The following ZNF33A variants were observed in gnomAD, a reference collection of about 807,000 sequenced individuals.
ZNF33A encodes zinc finger protein 33A.
Under a neutral mutation model 15.9 loss-of-function variants are expected in ZNF33A, and 9 were observed. The observed-to-expected ratio is 0.57, with a 90% confidence interval of 0.34 to 0.99. ZNF33A has a LOEUF of 0.99. ZNF33A is among the 50% of genes least tolerant of loss of function. The pLI is 0.02. For synonymous variants in ZNF33A, 294 were observed against 324.2 expected, an observed-to-expected ratio of 0.91 and a Z score of 1.00; for missense variants, 843 against 941.6, an observed-to-expected ratio of 0.90 and a Z score of 1.37.
At chr10:38,033,585 T>A (rs1260330987) in intron 4 of ZNF33A, among the ~76,000 whole-genome samples, 1 of 152,198 alleles carries the variant, frequency 6.6e-6, no homozygotes, top group Non-Finnish European at 1.5e-5. Flanking sequence ...ATGCATGAAT[T>A]TTCCAGTTTC....
rs747954049 is a variant in ZNF33A at position 38,010,737 on chromosome 10, G to A, written c.-91G>A. 1.9e-5 allele frequency: 30 copies of A among 1,598,320 alleles called. No individual in the cohort carries two copies. Among genetic ancestry groups the A allele is most frequent in the Non-Finnish European group, 2.3e-5 (27 of 1,179,810 alleles). On this transcript the variant is annotated 5_prime_UTR_variant, in exon 1 of 5. Coordinates refer to ENST00000432900, the MANE Select transcript of ZNF33A (RefSeq NM_006954.2). ...TGGGAGGCGGTCCCGGGATTTCAAG[G>A]GTCTACGCGCTTTTCTATGGCGAAT... is the stretch of plus-strand genomic sequence containing the variant.
chr10:38,015,407 G>A (rs2064404425), intron 2 of ZNF33A, among the ~76,000 whole-genome samples: 2 of 152,064 alleles, frequency 1.3e-5, no homozygotes, highest in Admixed American at 1.3e-4. Context: ...CCAGGTTAAA[G>A]GGATTCTCCT....
chr10:38,028,559 C>G (rs571452136), intron 4 of ZNF33A, among the ~76,000 whole-genome samples: 64 of 152,068 alleles, frequency 4.2e-4, no homozygotes, highest in African/African-American at 1.4e-3. Context: ...CCTCCTTCTC[C>G]TGGGTTCAAG....
At chr10:38,023,913 C>A (rs2064863252) in intron 4 of ZNF33A, among the ~76,000 whole-genome samples, 1 of 152,112 alleles carries the variant, frequency 6.6e-6, no homozygotes, top group South Asian at 2.1e-4. Flanking sequence ...AATCCCAGCG[C>A]TTTGGGAGGC....
In ZNF33A at chr10:38,010,683, C is replaced by T. The variant is rs2064123682; in HGVS notation, c.-145C>T. 1.3e-6 allele frequency: 2 copies of T among 1,595,264 alleles called. No homozygotes were observed. The highest frequency in any genetic ancestry group is 8.5e-7 in the Non-Finnish European group (1 of 1,176,900). On this transcript the variant is annotated 5_prime_UTR_variant, in exon 1 of 5. Transcript: ENST00000432900. ...CCGCCGGCTACGTCTGCGTTTCCGC[C>T]TTTCCTTTTGTTTTTCTCAGGTTTT...
Position 38,054,832 on chromosome 10 carries a change from ACAGAAGAGAGAGAACG to A in ZNF33A, c.718_733del (p.Glu240IlefsTer42), listed in dbSNP as rs763822388. Reference sequence around the variant, plus strand: ...TCCTTGAAAAGGCAGTATTCAATACACAGAAGAGAGAGAACGCAGAAGAGAATAACTGTGATTATAA... The same window carrying A: ...TCCTTGAAAAGGCAGTATTCAATACACAGAAGAGAATAACTGTGATTATAA... On this transcript the variant is annotated frameshift_variant, in exon 5 of 5. Transcript: ENST00000432900. LOFTEE classifies it low-confidence loss of function (END_TRUNC). 91 of 1,613,592 alleles carry A rather than the reference ACAGAAGAGAGAGAACG, an allele frequency of 5.6e-5. No individual in the cohort carries two copies. The highest frequency in any genetic ancestry group is 3.3e-4 in the Middle Eastern group (2 of 6,062).
At chr10:38,047,658 A>T (rs2066011459) in intron 4 of ZNF33A, among the ~76,000 whole-genome samples, 1 of 131,602 alleles carries the variant, frequency 7.6e-6, no homozygotes, top group Non-Finnish European at 1.6e-5. Context: ...AAAAAAAAAA[A>T]AAAAAAGCAA....
intron 1 of ZNF33A, among the ~76,000 whole-genome samples, chr10:38,011,044 C>A (rs567485067): frequency 3.3e-5 from 5 of 152,068 alleles, no homozygotes; most frequent in Admixed American, 2.0e-4. Flanking sequence ...TTGCGCAGTC[C>A]GCGCGCTGAG....
intron 4 of ZNF33A, among the ~76,000 whole-genome samples, chr10:38,033,420 A>G (rs2065299089): frequency 1.3e-5 from 2 of 152,148 alleles, no homozygotes; most frequent in Non-Finnish European, 2.9e-5. Flanking sequence ...GTAATTGTTC[A>G]CGTATAAGTT....
chr10:38,031,771 G>A (rs1433452385), intron 4 of ZNF33A, among the ~76,000 whole-genome samples: 1 of 150,522 alleles, frequency 6.6e-6, no homozygotes, highest in Admixed American at 6.6e-5. Flanking sequence ...GAGACCATCC[G>A]GGCCAACATG....
intron 4 of ZNF33A, chr10:38,039,763 T>G: frequency 3.2e-6 from 1 of 316,992 alleles, no homozygotes; most frequent in South Asian, 2.5e-5. Context: ...AATTTGAACC[T>G]TCTCTCTCTT....
downstream of ZNF33A, among the ~76,000 whole-genome samples, chr10:38,060,490 T>C (rs551256443): frequency 1.5e-3 from 226 of 152,364 alleles, 1 homozygote; most frequent in Middle Eastern, 3.4e-3. Flanking sequence ...TTTTCCACTC[T>C]GCTCCCTAGT....
chr10:38,054,716 A>G lies in ZNF33A; in HGVS notation c.592A>G (p.Asn198Asp). Residue 198 changes from asparagine to aspartate, a missense_variant, in exon 5 of 5, where the codon AAC becomes GAC. Coordinates refer to ENST00000432900, the MANE Select transcript of ZNF33A (RefSeq NM_006954.2). ...QEKNEVLKNR[N>D]TLSHHEETLQ... ...GAAAAATGAAGTTTTGAAAAATAGG[A>G]ACACACTGAGTCATCATGAGGAGAC... The G allele has an allele frequency of 6.2e-7, 1 of 1,613,878 alleles. No homozygotes were observed. The highest frequency in any genetic ancestry group is 8.5e-7 in the Non-Finnish European group (1 of 1,179,964).
At chr10:38,061,639 C>T (rs1186333965), downstream of ZNF33A, among the ~76,000 whole-genome samples, 2 of 152,038 alleles carry the variant, frequency 1.3e-5, no homozygotes, top group Non-Finnish European at 2.9e-5. Context: ...GTGCCCCCTC[C>T]AAAAGTCATG....
intron 4 of ZNF33A, among the ~76,000 whole-genome samples, chr10:38,037,387 G>A (rs1460921591): frequency 1.3e-5 from 2 of 151,180 alleles, no homozygotes; most frequent in Non-Finnish European, 2.9e-5. Flanking sequence ...GCAGTGGCAC[G>A]ATCTTGGCTC....
chr10:38,064,128 T>A, downstream of ZNF33A: 1 of 1,595,116 alleles, frequency 6.3e-7, no homozygotes, highest in South Asian at 1.1e-5. Context: ...ACCCCTGCAG[T>A]GCTGGAAGAA....
intron 4 of ZNF33A, among the ~76,000 whole-genome samples, chr10:38,036,291 G>A (rs1285996324): frequency 6.6e-6 from 1 of 152,020 alleles, no homozygotes; most frequent in Non-Finnish European, 1.5e-5. Context: ...TACTAAATAA[G>A]CTGGGCGTGG....
chr10:38,019,096 T>C (rs1009637389), intron 4 of ZNF33A, among the ~76,000 whole-genome samples: 7 of 152,076 alleles, frequency 4.6e-5, no homozygotes, highest in African/African-American at 1.7e-4. Context: ...TAACTCGTCA[T>C]TTAGCATTAG....
At chr10:38,022,293 G>A (rs1475247671) in intron 4 of ZNF33A, among the ~76,000 whole-genome samples, 1 of 152,094 alleles carries the variant, frequency 6.6e-6, no homozygotes, top group Non-Finnish European at 1.5e-5. Flanking sequence ...GAATGAAACA[G>A]GGAATATCAC....
Sources: gnomAD v4.1 joint callset for allele counts (sites outside exome capture counted in the v4.1 genomes callset) on GRCh38, gnomAD v4.1.1 for gene constraint, MANE v1.5 for transcripts, NCBI Gene and HGNC (gene_info 2026-07-23, HGNC 2026-07-21) for gene names.